MYO16: variants seen among roughly 807,000 people sequenced by gnomAD.
MYO16 encodes the protein unconventional myosin-XVI.
In MYO16, 94 loss-of-function variants were observed where a neutral mutation model predicts 205.3. That is an observed-to-expected ratio of 0.46 (90% CI 0.39 to 0.54). MYO16 has a LOEUF of 0.54. Ranked by LOEUF, MYO16 falls within the 20% of genes least tolerant of loss-of-function variation. The pLI is 0.00. For missense variants in MYO16, 2,315 were observed against 2,387.5 expected (o/e 0.97, Z 0.63); for synonymous variants, 988 against 954.0 (o/e 1.04, Z -0.66).
At chr13:108,719,841 A>G (rs1446932696) in intron 3 of MYO16, among the ~76,000 whole-genome samples, 2 of 152,168 alleles carry the variant, frequency 1.3e-5, no homozygotes, top group African/African-American at 4.8e-5. Flanking sequence ...AGTAGTTACT[A>G]CGTAATTCAC....
Position 109,140,631 on chromosome 13 carries a change from G to A in MYO16, c.4419G>A (p.Leu1473=), listed in dbSNP as rs550053296. 2 of 1,516,518 alleles carry A rather than the reference G, an allele frequency of 1.3e-6. No homozygotes were observed. The highest frequency in any genetic ancestry group is 1.2e-5 in the South Asian group (1 of 81,656). The allele number at this position is 1,516,518 out of a possible 1,614,324, so 93.9% of individuals were successfully genotyped here. ...GCGGCCCGGGCGCGGGCTCCTTCCT[G>A]CTCCACGGCGCATCGCCGCCCCTGC... The part of the protein sequence containing the change: ...DDGGPGAGSF[L]LHGASPPLLH... The change falls in exon 32 of 35, where the codon CTG becomes CTA. Residue 1473 remains leucine (L), a synonymous_variant. Coordinates refer to ENST00000457511, the MANE Select transcript of MYO16 (RefSeq NM_001198950.3). The surrounding 1 kb of genome is among the most constrained non-coding windows in gnomAD (Gnocchi z 8.0).
chr13:108,889,546 G>T (rs774007731), intron 14 of MYO16, among the ~76,000 whole-genome samples: 1 of 152,130 alleles, frequency 6.6e-6, no homozygotes, highest in Non-Finnish European at 1.5e-5. Flanking sequence ...ACAGTGGGGG[G>T]AACAGACAGG....
At chr13:108,952,111 C>CAATAAATA (rs142142365) in intron 16 of MYO16, among the ~76,000 whole-genome samples, 86 of 138,622 alleles carry the variant, frequency 6.2e-4, no homozygotes, top group Admixed American at 8.7e-4. Flanking sequence ...GACTCCATCT[C>CAATAAATA]AATAAATAAA....
At chr13:108,780,813 G>A (rs1886277043) in intron 4 of MYO16, among the ~76,000 whole-genome samples, 1 of 152,160 alleles carries the variant, frequency 6.6e-6, no homozygotes, top group South Asian at 2.1e-4. Flanking sequence ...CTCTCAGAAA[G>A]GCCGGCTTCT....
chr13:109,035,131 T>A (rs981366078), intron 23 of MYO16, among the ~76,000 whole-genome samples: 1 of 151,506 alleles, frequency 6.6e-6, no homozygotes, highest in Non-Finnish European at 1.5e-5. Context: ...ACACCATATA[T>A]GGCATATATA....
At chr13:108,575,851 G>A in the MYO16 span, among the ~76,000 whole-genome samples, 1 of 152,134 alleles carries the variant, frequency 6.6e-6, no homozygotes, top group Non-Finnish European at 1.5e-5. Context: ...AAGTGCAGGT[G>A]TTGCAGAAAG....
chr13:108,920,404 TTCTC>T (rs778073941), intron 16 of MYO16, among the ~76,000 whole-genome samples: 2 of 151,548 alleles, frequency 1.3e-5, no homozygotes, highest in African/African-American at 2.4e-5. Flanking sequence ...CCTTCCTTCC[TTCTC>T]TCTCTCTTTC....
intron 11 of MYO16, among the ~76,000 whole-genome samples, chr13:108,862,451 A>G (rs1198961275): frequency 6.6e-6 from 1 of 152,158 alleles, no homozygotes; most frequent in Admixed American, 6.5e-5. Context: ...AGATTTCACA[A>G]TTGTGAAGGA....
At chr13:108,813,986 T>TC (rs1379936292) in intron 7 of MYO16, among the ~76,000 whole-genome samples, 1 of 152,174 alleles carries the variant, frequency 6.6e-6, no homozygotes, top group Non-Finnish European at 1.5e-5. Context: ...AGAAAGGAAT[T>TC]CCCCTAGTAG....
At chr13:108,728,712 A>G (rs2139586672) in intron 4 of MYO16, among the ~76,000 whole-genome samples, 1 of 152,352 alleles carries the variant, frequency 6.6e-6, no homozygotes, top group East Asian at 1.9e-4. Flanking sequence ...CATAGGATTT[A>G]GGGCCCGCCC....
chr13:108,750,035 G>T (rs1227914947), intron 4 of MYO16, among the ~76,000 whole-genome samples: 1 of 150,956 alleles, frequency 6.6e-6, no homozygotes, highest in Non-Finnish European at 1.5e-5. Context: ...GTTTTAAAAG[G>T]CTTCTGGAAA....
intron 33 of MYO16, chr13:109,167,051 C>T (rs913377270): frequency 3.9e-5 from 6 of 152,402 alleles, no homozygotes; most frequent in Non-Finnish European, 7.3e-5. Flanking sequence ...AGGTTCACAT[C>T]CAAGTCAACT....
intron 27 of MYO16, among the ~76,000 whole-genome samples, chr13:109,094,365 C>G (rs1378424916): frequency 6.6e-6 from 1 of 151,974 alleles, no homozygotes; most frequent in Non-Finnish European, 1.5e-5. Context: ...TTTGTGCCAC[C>G]ATGTCTGCTT....
At chr13:108,545,122 C>T in the MYO16 span, among the ~76,000 whole-genome samples, 9,968 of 152,036 alleles carry the variant, frequency 0.066, 399 homozygotes, top group Admixed American at 0.12. Context: ...ATGCCTACTA[C>T]CTGATTCATG....
intron 9 of MYO16, among the ~76,000 whole-genome samples, chr13:108,830,895 C>T (rs1345705232): frequency 6.6e-6 from 1 of 152,178 alleles, no homozygotes; most frequent in Non-Finnish European, 1.5e-5. Context: ...TGAGAACTGT[C>T]TATTCAGTCC....
chr13:109,086,295 G>C (rs949666254), intron 27 of MYO16, among the ~76,000 whole-genome samples: 4 of 152,168 alleles, frequency 2.6e-5, no homozygotes, highest in Admixed American at 2.6e-4. Flanking sequence ...AGTATTCTCT[G>C]CTTCACTGTG....
At chr13:108,613,085 G>A (rs372333906) in intron 1 of MYO16, among the ~76,000 whole-genome samples, 9 of 152,248 alleles carry the variant, frequency 5.9e-5, no homozygotes, top group Non-Finnish European at 1.2e-4. Flanking sequence ...GGAAAGATGG[G>A]ATTGATTATG....
the MYO16 span, among the ~76,000 whole-genome samples, chr13:108,534,808 TTCC>T: frequency 9.2e-3 from 1,388 of 150,544 alleles, 24 homozygotes; most frequent in African/African-American, 0.031. Flanking sequence ...TCTTCCTTCC[TTCC>T]TCCTCCTCCT....
At chr13:108,700,584 G>T (rs1235987770) in intron 2 of MYO16, among the ~76,000 whole-genome samples, 2 of 152,072 alleles carry the variant, frequency 1.3e-5, no homozygotes, top group African/African-American at 4.8e-5. Flanking sequence ...ATTCTTAGGA[G>T]AATTATCATT....
Sources: gnomAD v4.1 joint callset for allele counts (sites outside exome capture counted in the v4.1 genomes callset) on GRCh38, gnomAD v4.1.1 for gene constraint, Gnocchi (gnomAD v3.1) non-coding constraint, MANE v1.5 for transcripts, NCBI Gene and HGNC (gene_info 2026-07-23, HGNC 2026-07-21) for gene names.